Variants in RBFOX1 observed in about 807,000 individuals in gnomAD.
RBFOX1 encodes the protein RNA binding protein fox-1 homolog 1.
A neutral mutation model predicts 57.7 loss-of-function variants in RBFOX1; 8 were observed. The observed-to-expected ratio is 0.14, with a 90% confidence interval of 0.08 to 0.25. RBFOX1 has a LOEUF of 0.25. RBFOX1 is among the 10% of genes least tolerant of loss of function. RBFOX1 has a pLI of 1.00. For missense variants in RBFOX1, 611 were observed against 548.5 expected (o/e 1.11, Z -1.14); for synonymous variants, 326 against 222.4 (o/e 1.47, Z -4.15).
intron 4 of RBFOX1, among the ~76,000 whole-genome samples, chr16:7,134,291 G>C (rs866099154): frequency 6.6e-6 from 1 of 152,140 alleles, no homozygotes; most frequent in Non-Finnish European, 1.5e-5. Flanking sequence ...ATGACATTTT[G>C]CTGTGAAACT....
intron 3 of RBFOX1, among the ~76,000 whole-genome samples, chr16:6,730,259 C>T (rs1555740694): frequency 6.6e-6 from 1 of 152,120 alleles, no homozygotes; most frequent in Non-Finnish European, 1.5e-5. Flanking sequence ...TAGAACCGTA[C>T]ACCAGTGTAC....
At chr16:5,704,066 C>A (rs979945212) in intron 3 of RBFOX1, among the ~76,000 whole-genome samples, 1 of 152,042 alleles carries the variant, frequency 6.6e-6, no homozygotes, top group African/African-American at 2.4e-5. Context: ...GTGAGGTTTC[C>A]AGGTTCTTAT....
intron 14 of RBFOX1, among the ~76,000 whole-genome samples, chr16:7,680,913 C>T (rs1012761019): frequency 6.6e-6 from 1 of 151,490 alleles, no homozygotes; most frequent in Non-Finnish European, 1.5e-5. Flanking sequence ...TACACACACA[C>T]ACACTCACTT....
intron 2 of RBFOX1, among the ~76,000 whole-genome samples, chr16:6,417,295 C>T (rs2093649910): frequency 6.6e-6 from 1 of 152,060 alleles, no homozygotes; most frequent in African/African-American, 2.4e-5. Flanking sequence ...CAGGCGTGAG[C>T]CACCATGCCC....
chr16:6,062,375 C>A (rs1490697596), intron 1 of RBFOX1, among the ~76,000 whole-genome samples: 2 of 152,022 alleles, frequency 1.3e-5, no homozygotes, highest in Admixed American at 6.6e-5. Context: ...TGGCAACCAT[C>A]CCCCATCCTG....
intron 5 of RBFOX1, among the ~76,000 whole-genome samples, chr16:7,549,219 A>C (rs2085564493): frequency 6.6e-6 from 1 of 152,226 alleles, no homozygotes; most frequent in Non-Finnish European, 1.5e-5. Context: ...AGTAGCTCCC[A>C]ATGCCTATGA....
At chr16:5,320,858 G>A (rs986981350) in intron 1 of RBFOX1, among the ~76,000 whole-genome samples, 3 of 152,186 alleles carry the variant, frequency 2.0e-5, no homozygotes, top group Non-Finnish European at 4.4e-5. Flanking sequence ...TGGGCTGTGT[G>A]TGCGCAGCTG....
chr16:7,019,123 G>A (rs2094075383), intron 3 of RBFOX1, among the ~76,000 whole-genome samples: 1 of 151,958 alleles, frequency 6.6e-6, no homozygotes, highest in South Asian at 2.1e-4. Context: ...GAGAGGTAAT[G>A]ATACTGATTG....
At chr16:7,074,153 A>C (rs964893413) in intron 4 of RBFOX1, among the ~76,000 whole-genome samples, 2 of 152,206 alleles carry the variant, frequency 1.3e-5, no homozygotes, top group African/African-American at 2.4e-5. Flanking sequence ...AGGAGAAAAA[A>C]CAGTCAGTAG....
At chr16:5,834,776 T>TGATAGATAGATA (rs140249212) in intron 3 of RBFOX1, among the ~76,000 whole-genome samples, 14 of 147,786 alleles carry the variant, frequency 9.5e-5, no homozygotes, top group South Asian at 4.4e-4. Context: ...CATGCACAGA[T>TGATAGATAGATA]GATAGATAGA....
At chr16:6,030,976 T>C (rs1408838068) in intron 1 of RBFOX1, among the ~76,000 whole-genome samples, 1 of 152,202 alleles carries the variant, frequency 6.6e-6, no homozygotes, top group East Asian at 1.9e-4. Flanking sequence ...GTGAAACTTA[T>C]GCTGTAGTGA....
chr16:5,599,235 C>G (rs757328405), exon 3 of RBFOX1: 35 of 686,058 alleles, frequency 5.1e-5, no homozygotes, highest in Admixed American at 1.2e-4. Flanking sequence ...AGATCCGGGG[C>G]ACAGTGGTTG....
At chr16:5,581,237 C>T (rs923983661) in intron 2 of RBFOX1, among the ~76,000 whole-genome samples, 4 of 152,116 alleles carry the variant, frequency 2.6e-5, no homozygotes, top group East Asian at 1.9e-4. Flanking sequence ...CAGTTCAGAC[C>T]GAGTATTTTG....
chr16:6,597,526 A>C (rs2097788666), intron 2 of RBFOX1, among the ~76,000 whole-genome samples: 7 of 152,128 alleles, frequency 4.6e-5, no homozygotes, highest in Admixed American at 4.6e-4. Context: ...ATAAAAAATT[A>C]GCCAGGCGTG....
At chr16:7,599,979 A>C (rs77270328) in intron 9 of RBFOX1, among the ~76,000 whole-genome samples, 4 of 152,060 alleles carry the variant, frequency 2.6e-5, no homozygotes, top group African/African-American at 9.7e-5. Flanking sequence ...TCTTGTGACC[A>C]TGCCTGTGTG....
rs531121947 is a variant in RBFOX1 at position 7,250,596 on chromosome 16, C to T, written c.27+198498C>T. Among the ~76,000 whole-genome samples the T allele has an allele frequency of 4.6e-5, 7 of 152,296 alleles. No individual in the cohort carries two copies. In the South Asian group the frequency reaches 1.2e-3, roughly 27 times the overall value. ...AGACTAAGAGTATATACCCCAGGGA[C>T]GGGGATCATAACTATGTACACAGCA... On this transcript the variant is annotated intron_variant, in intron 4 of 15. Transcript: ENST00000550418.
chr16:7,141,309 G>C (rs547492219), intron 4 of RBFOX1, among the ~76,000 whole-genome samples: 1 of 152,136 alleles, frequency 6.6e-6, no homozygotes, highest in Non-Finnish European at 1.5e-5. Context: ...ATTCACCCAC[G>C]GAATACCAGA....
At chr16:6,385,567 C>T (rs776954436) in intron 2 of RBFOX1, among the ~76,000 whole-genome samples, 1 of 152,164 alleles carries the variant, frequency 6.6e-6, no homozygotes, top group Admixed American at 6.5e-5. Context: ...ACCATGTTGG[C>T]CAGGCTGGTC....
chr16:6,795,701 G>T (rs2083855538), intron 3 of RBFOX1, among the ~76,000 whole-genome samples: 1 of 151,776 alleles, frequency 6.6e-6, no homozygotes, highest in Non-Finnish European at 1.5e-5. Context: ...AGAAGGCAGA[G>T]GTTGCAGTTA....
Sources: gnomAD v4.1 joint callset for allele counts (sites outside exome capture counted in the v4.1 genomes callset) on GRCh38, gnomAD v4.1.1 for gene constraint, MANE v1.5 for transcripts, NCBI Gene and HGNC (gene_info 2026-07-23, HGNC 2026-07-21) for gene names.